DIAPH3: variants seen among roughly 807,000 people sequenced by gnomAD.
The protein encoded by DIAPH3 is diaphanous related formin 3, also known as protein diaphanous homolog 3.
A neutral mutation model predicts 144.3 loss-of-function variants in DIAPH3; 117 were observed. The observed-to-expected ratio is 0.81, with a 90% CI of 0.70 to 0.95. DIAPH3 has a LOEUF of 0.95. Among genes scored for constraint, DIAPH3 ranks in the 40% least tolerant of loss-of-function variants. DIAPH3 has a pLI of 0.00. For missense variants in DIAPH3, 1,421 were observed against 1,412.7 expected (o/e 1.01, Z -0.09); for synonymous variants, 519 against 488.9 (o/e 1.06, Z -0.81).
At chr13:60,025,353 C>A (rs2054303164) in intron 5 of DIAPH3, among the ~76,000 whole-genome samples, 1 of 123,086 alleles carries the variant, frequency 8.1e-6, no homozygotes, top group Non-Finnish European at 1.6e-5. Flanking sequence ...CCTAGCCTGT[C>A]TTCTTATATT....
chr13:60,105,235 T>G (rs2058387098), intron 3 of DIAPH3, among the ~76,000 whole-genome samples: 1 of 152,152 alleles, frequency 6.6e-6, no homozygotes, highest in Admixed American at 6.5e-5. Context: ...TCATTTGACT[T>G]AAGATACAAC....
chr13:59,752,752 CTT>C (rs2037075439), intron 27 of DIAPH3, among the ~76,000 whole-genome samples: 1 of 152,142 alleles, frequency 6.6e-6, no homozygotes, highest in Non-Finnish European at 1.5e-5. Context: ...ACAAAAAACT[CTT>C]AGCATGTAAG....
chr13:59,929,521 T>C (rs2047913074), intron 17 of DIAPH3, among the ~76,000 whole-genome samples: 1 of 151,318 alleles, frequency 6.6e-6, no homozygotes, highest in Admixed American at 6.6e-5. Context: ...CATTGGCTGT[T>C]CAAATTATTT....
intron 9 of DIAPH3, among the ~76,000 whole-genome samples, chr13:60,006,508 C>G (rs1037708388): frequency 2.6e-5 from 4 of 152,144 alleles, no homozygotes; most frequent in African/African-American, 9.7e-5. Context: ...TTTAGGGCTA[C>G]TCTTCATTAA....
At chr13:59,714,309 G>A (rs938318975) in intron 27 of DIAPH3, among the ~76,000 whole-genome samples, 24 of 145,234 alleles carry the variant, frequency 1.7e-4, no homozygotes, top group East Asian at 8.1e-4. Flanking sequence ...GCAGTGAGCC[G>A]AGATCCCGCC....
chr13:60,004,430 T>G (rs1482276301), intron 9 of DIAPH3, among the ~76,000 whole-genome samples: 7 of 152,220 alleles, frequency 4.6e-5, no homozygotes, highest in Non-Finnish European at 8.8e-5. Flanking sequence ...ATGTTACCTT[T>G]TTTTGTTTGT....
chr13:59,754,264 G>A (rs1593758502), intron 27 of DIAPH3, among the ~76,000 whole-genome samples: 1 of 152,100 alleles, frequency 6.6e-6, no homozygotes, highest in East Asian at 1.9e-4. Flanking sequence ...CACAGATCTG[G>A]GTTTAATTCT....
chr13:59,673,562 C>T (rs1369533544), intron 27 of DIAPH3, among the ~76,000 whole-genome samples: 1 of 152,036 alleles, frequency 6.6e-6, no homozygotes, highest in African/African-American at 2.4e-5. Context: ...TCATGGTGGG[C>T]CCCTAGATAG....
At chr13:60,145,581 G>A (rs529130147) in intron 1 of DIAPH3, among the ~76,000 whole-genome samples, 58 of 152,168 alleles carry the variant, frequency 3.8e-4, no homozygotes, top group Non-Finnish European at 7.6e-4. Flanking sequence ...ACTCAGAGGC[G>A]GAGCTTGCAG....
intron 4 of DIAPH3, among the ~76,000 whole-genome samples, chr13:60,075,714 T>G (rs2057356120): frequency 6.6e-6 from 1 of 152,164 alleles, no homozygotes. Flanking sequence ...TTTCCCACCT[T>G]GTACTTCCAT....
chr13:59,798,859 C>G (rs2039744775), intron 25 of DIAPH3, among the ~76,000 whole-genome samples: 1 of 152,106 alleles, frequency 6.6e-6, no homozygotes, highest in South Asian at 2.1e-4. Flanking sequence ...TAGGAAGTTA[C>G]AGAGAGTTGA....
intron 18 of DIAPH3, among the ~76,000 whole-genome samples, chr13:59,919,103 G>T (rs949507937): frequency 6.6e-6 from 1 of 151,838 alleles, no homozygotes; most frequent in Non-Finnish European, 1.5e-5. Context: ...TAAACTTAAA[G>T]ACAGTTTATT....
chr13:59,943,604 T>C (rs910898123), intron 17 of DIAPH3, among the ~76,000 whole-genome samples: 13 of 152,128 alleles, frequency 8.5e-5, no homozygotes, highest in African/African-American at 2.9e-4. Context: ...AAAAGTCAAA[T>C]GTTAAGGCTT....
At chr13:59,898,134 C>CAAAAAAACAAAAAA (rs2046227130) in intron 20 of DIAPH3, among the ~76,000 whole-genome samples, 1 of 72,196 alleles carries the variant, frequency 1.4e-5, no homozygotes, top group Non-Finnish European at 2.4e-5. Context: ...GACTCTGCCT[C>CAAAAAAACAAAAAA]AAAAAAAAAA....
intron 27 of DIAPH3, among the ~76,000 whole-genome samples, chr13:59,704,820 G>A (rs1037434443): frequency 7.9e-5 from 12 of 152,182 alleles, no homozygotes; most frequent in East Asian, 5.8e-4. Context: ...CAACGAAATC[G>A]CCTGACAACA....
intron 27 of DIAPH3, among the ~76,000 whole-genome samples, chr13:59,689,530 G>T (rs1474721815): frequency 5.3e-5 from 8 of 152,164 alleles, no homozygotes; most frequent in Admixed American, 4.6e-4. Context: ...GAATCAAGGA[G>T]AAATTTTTAG....
At chr13:60,084,130 T>G (rs945074579) in intron 4 of DIAPH3, among the ~76,000 whole-genome samples, 34 of 152,016 alleles carry the variant, frequency 2.2e-4, no homozygotes, top group African/African-American at 8.0e-4. Flanking sequence ...GAGGAAATGA[T>G]TCCCATAAAA....
intron 27 of DIAPH3, among the ~76,000 whole-genome samples, chr13:59,749,785 T>G (rs957127895): frequency 6.6e-6 from 1 of 152,146 alleles, no homozygotes; most frequent in Non-Finnish European, 1.5e-5. Context: ...TTTTTTCTCC[T>G]TAGAATTTAT....
At chr13:60,128,460 G>C (rs531493643) in intron 2 of DIAPH3, among the ~76,000 whole-genome samples, 1 of 152,004 alleles carries the variant, frequency 6.6e-6, no homozygotes, top group African/African-American at 2.4e-5. Context: ...CTCATTTTTT[G>C]AAAGTGTGTA....
Sources: gnomAD v4.1 joint callset for allele counts (sites outside exome capture counted in the v4.1 genomes callset) on GRCh38, gnomAD v4.1.1 for gene constraint, MANE v1.5 for transcripts, NCBI Gene and HGNC (gene_info 2026-07-23, HGNC 2026-07-21) for gene names.